The following TMEM212 variants were observed in gnomAD, a reference collection of about 807,000 sequenced individuals.
The protein encoded by TMEM212 is transmembrane protein 212.
In TMEM212, 23 loss-of-function variants were observed where a neutral mutation model predicts 20.5. The observed-to-expected ratio is 1.12, with a 90% CI of 0.81 to 1.59. TMEM212 has a LOEUF of 1.59. Among genes scored for constraint, TMEM212 ranks in the 40% most tolerant of loss-of-function variants. The probability of loss-of-function intolerance (pLI) is 0.00; values close to 1 mark genes in which losing one functional copy is unlikely to be tolerated. For synonymous variants in TMEM212, 76 were observed against 81.6 expected (o/e 0.93, Z 0.37); for missense variants, 211 against 215.0 (o/e 0.98, Z 0.12).
rs1343748349 is a variant in TMEM212 at position 171,843,676 on chromosome 3, G to A, written c.159+134G>A. 2.9e-5 allele frequency: 20 copies of A among 695,032 alleles called. 1 individual carries two copies. Among genetic ancestry groups the A allele is most frequent in the African/African-American group, 9.1e-5 (5 of 55,236 alleles). 43.1% of individuals were successfully genotyped at this position (695,032 alleles called of 1,614,324 possible). Reference sequence around the variant, plus strand: ...AAAATTCCACAAAAAATCAGAATCCGCCTTGGAACATTGATTTCTATTAAT... The same window carrying A: ...AAAATTCCACAAAAAATCAGAATCCACCTTGGAACATTGATTTCTATTAAT... On this transcript the variant is annotated intron_variant, in intron 1 of 4. Coordinates refer to ENST00000334567, the MANE Select transcript of TMEM212 (RefSeq NM_001164436.2).
intron 3 of TMEM212, among the ~76,000 whole-genome samples, chr3:171,856,424 C>G (rs572347191): frequency 2.0e-5 from 3 of 152,274 alleles, no homozygotes; most frequent in African/African-American, 4.8e-5. Flanking sequence ...CTGCCCAACT[C>G]TCCCTATAAA....
chr3:171,851,943 T>TCCAC, intron 1 of TMEM212, 39 bp from the exon 2 acceptor site: 3 of 1,522,088 alleles, frequency 2.0e-6, no homozygotes, highest in Non-Finnish European at 2.6e-6. Flanking sequence ...AGAGGTACCT[T>TCCAC]CTGTGGTGGA....
At chr3:171,852,499 C>T (rs926210394) in intron 2 of TMEM212, among the ~76,000 whole-genome samples, 1 of 152,322 alleles carries the variant, frequency 6.6e-6, no homozygotes, top group East Asian at 1.9e-4. Flanking sequence ...CTGCGCCCAG[C>T]CCTGAATAAT....
Position 171,843,426 on chromosome 3 carries a change from C to G in TMEM212, c.43C>G (p.Leu15Val), listed in dbSNP as rs1724756488. The part of the protein sequence containing the change: ...YQAAGRILVT[L>V]GILSVCSGVI... ...GGCTGCTGGCCGGATTCTTGTTACT[C>G]TGGGGATCCTCAGTGTATGCTCTGG... Residue 15 changes from leucine (L) to valine (V), a missense_variant, in exon 1 of 5, where the codon CTG becomes GTG. Transcript: ENST00000334567. 1 of 1,536,764 alleles carries G rather than the reference C, an allele frequency of 6.5e-7. No homozygotes were observed. The highest frequency in any genetic ancestry group is 2.0e-5 in the Admixed American group (1 of 50,952).
At chr3:171,857,626 A>G (rs1433672210) in intron 4 of TMEM212, among the ~76,000 whole-genome samples, 1 of 152,206 alleles carries the variant, frequency 6.6e-6, no homozygotes, top group Non-Finnish European at 1.5e-5. Flanking sequence ...GAATTTTCAA[A>G]CCATATACAG....
chr3:171,857,698 T>C (rs937195332), intron 4 of TMEM212, among the ~76,000 whole-genome samples: 3 of 152,026 alleles, frequency 2.0e-5, no homozygotes, highest in South Asian at 2.1e-4. Context: ...AAGAAATAAA[T>C]AATCTGATTT....
chr3:171,854,605 C>T (rs1725068768), intron 3 of TMEM212, among the ~76,000 whole-genome samples: 1 of 152,158 alleles, frequency 6.6e-6, no homozygotes, highest in Non-Finnish European at 1.5e-5. Flanking sequence ...CAATTCCTAT[C>T]AAAAGTTCAA....
Position 171,853,675 on chromosome 3 carries a change from C to T in TMEM212, c.368C>T (p.Thr123Ile), listed in dbSNP as rs746133172. 2 of 1,537,362 alleles carry T rather than the reference C, an allele frequency of 1.3e-6. No individual in the cohort carries two copies. The highest frequency in any genetic ancestry group is 1.7e-6 in the Non-Finnish European group (2 of 1,146,942). The stretch of plus-strand genomic sequence containing the variant: ...ACTAATTACCTTGGCTATGCAGTTA[C>T]CTTTCCTTATCCATATGCAAAATTC... ...AGTNYLGYAV[T>I]FPYPYAKFPL... The change falls in exon 3 of 5, where the codon ACC (threonine) becomes ATC (isoleucine). Residue 123 changes from threonine to isoleucine, a missense_variant. Transcript: ENST00000334567.
intron 1 of TMEM212, among the ~76,000 whole-genome samples, chr3:171,847,073 T>C (rs1172822683): frequency 6.6e-6 from 1 of 152,252 alleles, no homozygotes; most frequent in Non-Finnish European, 1.5e-5. Context: ...TCAGACTCCC[T>C]AGTTCCATTT....
intron 1 of TMEM212, among the ~76,000 whole-genome samples, chr3:171,849,956 C>T (rs1456768973): frequency 6.6e-6 from 1 of 152,056 alleles, no homozygotes; most frequent in Non-Finnish European, 1.5e-5. Context: ...GACACAGCCT[C>T]CACTCTCCCC....
At chr3:171,848,529 A>G (rs1705078551) in intron 1 of TMEM212, among the ~76,000 whole-genome samples, 1 of 104,972 alleles carries the variant, frequency 9.5e-6, no homozygotes, top group Admixed American at 9.2e-5. Context: ...AAATCAATCT[A>G]TTGAGTAGCT....
chr3:171,851,549 A>G (rs1724976688), intron 1 of TMEM212, among the ~76,000 whole-genome samples: 1 of 152,252 alleles, frequency 6.6e-6, no homozygotes, highest in African/African-American at 2.4e-5. Context: ...GCAAATAGCA[A>G]AAGAGAAAGT....
At chr3:171,852,113 A>G (rs1307467593) in intron 2 of TMEM212, 72 bp downstream of exon 2, 10 of 1,169,300 alleles carry the variant, frequency 8.6e-6, no homozygotes, top group Non-Finnish European at 1.2e-5. Context: ...TTCAGGATGG[A>G]ACATAAAAAA....
chr3:171,847,584 A>C (rs1724865863), intron 1 of TMEM212, among the ~76,000 whole-genome samples: 1 of 152,354 alleles, frequency 6.6e-6, no homozygotes, highest in South Asian at 2.1e-4. Flanking sequence ...AGGGAAAAAG[A>C]GACATCAATA....
intron 1 of TMEM212, among the ~76,000 whole-genome samples, chr3:171,844,633 G>A (rs1724791899): frequency 6.6e-6 from 1 of 152,056 alleles, no homozygotes; most frequent in African/African-American, 2.4e-5. Context: ...ATGAACCTGG[G>A]AGGCAGAGTT....
intron 1 of TMEM212, among the ~76,000 whole-genome samples, chr3:171,844,092 A>G (rs1164392202): frequency 6.6e-6 from 1 of 152,202 alleles, no homozygotes; most frequent in Non-Finnish European, 1.5e-5. Flanking sequence ...TAATTCAATA[A>G]TTCAAGATGG....
intron 2 of TMEM212, among the ~76,000 whole-genome samples, chr3:171,852,719 A>AT (rs1322456638): frequency 2.0e-5 from 3 of 152,252 alleles, no homozygotes; most frequent in Non-Finnish European, 2.9e-5. Flanking sequence ...CTTCTAAAAA[A>AT]GGATGAAAAG....
chr3:171,854,703 G>T (rs753611854), intron 3 of TMEM212, among the ~76,000 whole-genome samples: 5 of 152,112 alleles, frequency 3.3e-5, no homozygotes, highest in African/African-American at 1.2e-4. Flanking sequence ...ACTTGAGAAA[G>T]AACAAAGCTG....
chr3:171,852,064 G>A (rs1313242987), intron 2 of TMEM212, 23 bp downstream of exon 2: 1 of 1,525,748 alleles, frequency 6.6e-7, no homozygotes, highest in South Asian at 1.2e-5. Context: ...ATGCCAAGTA[G>A]GATGGTAGAG....
Sources: allele counts gnomAD v4.1 joint callset (sites outside exome capture counted in the v4.1 genomes callset), GRCh38; gene constraint gnomAD v4.1.1; transcripts MANE v1.5; gene names NCBI Gene and HGNC (gene_info 2026-07-23, HGNC 2026-07-21).